MIPOL1: variants seen among roughly 807,000 people sequenced by gnomAD.
MIPOL1 encodes mirror-image polydactyly 1, also known as mirror-image polydactyly gene 1 protein.
A neutral mutation model predicts 60.9 loss-of-function variants in MIPOL1; 57 were observed. That is an observed-to-expected ratio of 0.94 (90% CI 0.76 to 1.17). The LOEUF (loss-of-function observed/expected upper bound fraction) is 1.17, where lower values mean the gene tolerates loss of function less well. Ranked by LOEUF, MIPOL1 falls within the 50% of genes most tolerant of loss-of-function variation. The pLI, the probability that MIPOL1 is intolerant of heterozygous loss-of-function variation, is 0.00. For missense variants in MIPOL1, 551 were observed against 511.6 expected (o/e 1.08, Z -0.74); for synonymous variants, 179 against 168.8 (o/e 1.06, Z -0.47).
At chr14:37,380,148 G>A (rs1243237851) in intron 10 of MIPOL1, among the ~76,000 whole-genome samples, 2 of 152,114 alleles carry the variant, frequency 1.3e-5, no homozygotes, top group Admixed American at 6.6e-5. Context: ...GCAATCTGAA[G>A]TTATGAAGCA....
intron 3 of MIPOL1, among the ~76,000 whole-genome samples, chr14:37,254,882 C>T (rs1001606473): frequency 2.0e-5 from 3 of 151,668 alleles, no homozygotes; most frequent in Admixed American, 1.3e-4. Context: ...GTATGATCCT[C>T]TTTGTAGAAC....
At chr14:37,538,625 C>T (rs1424283599) in intron 12 of MIPOL1, among the ~76,000 whole-genome samples, 3 of 152,130 alleles carry the variant, frequency 2.0e-5, no homozygotes, top group Non-Finnish European at 1.5e-5. Context: ...TTCAGCTGCT[C>T]GTGCTCCACC....
At chr14:37,274,953 A>G (rs964861911) in intron 6 of MIPOL1, among the ~76,000 whole-genome samples, 4 of 151,154 alleles carry the variant, frequency 2.6e-5, no homozygotes, top group South Asian at 2.1e-4. Flanking sequence ...TGGGATAGCT[A>G]TTTATATATG....
intron 12 of MIPOL1, among the ~76,000 whole-genome samples, chr14:37,531,617 A>G (rs2153636422): frequency 6.6e-6 from 1 of 152,328 alleles, no homozygotes; most frequent in African/African-American, 2.4e-5. Flanking sequence ...GAAGAGGCAG[A>G]TAACTGCGTG....
intron 1 of MIPOL1, among the ~76,000 whole-genome samples, chr14:37,212,854 T>G (rs1966924594): frequency 6.6e-6 from 1 of 152,134 alleles, no homozygotes. Context: ...CCCCCAGATT[T>G]ACGTGTCATA....
intron 6 of MIPOL1, among the ~76,000 whole-genome samples, chr14:37,271,207 T>C (rs2083279235): frequency 6.6e-6 from 1 of 152,082 alleles, no homozygotes; most frequent in Non-Finnish European, 1.5e-5. Context: ...TCCATCTGTG[T>C]ATGCCACTGT....
intron 11 of MIPOL1, among the ~76,000 whole-genome samples, chr14:37,439,661 G>A (rs762276972): frequency 5.1e-4 from 77 of 152,040 alleles, no homozygotes; most frequent in Middle Eastern, 6.8e-3. Context: ...TCAACCCCTG[G>A]TCAATCAAAT....
chr14:37,358,736 C>CT (rs1423272041), intron 9 of MIPOL1, among the ~76,000 whole-genome samples: 5 of 152,110 alleles, frequency 3.3e-5, no homozygotes. Flanking sequence ...GATGTCAGCC[C>CT]TTTGTCACAT....
intron 11 of MIPOL1, among the ~76,000 whole-genome samples, chr14:37,498,210 G>T (rs1157378399): frequency 2.6e-5 from 4 of 152,030 alleles, no homozygotes; most frequent in South Asian, 2.1e-4. Context: ...AAATGGGAGG[G>T]AACACTGGGG....
chr14:37,426,473 G>A (rs2093961029), intron 11 of MIPOL1, among the ~76,000 whole-genome samples: 1 of 150,190 alleles, frequency 6.7e-6, no homozygotes, highest in Admixed American at 6.7e-5. Context: ...GGAGGCTGAG[G>A]CAGGAGAATC....
intron 1 of MIPOL1, among the ~76,000 whole-genome samples, chr14:37,206,390 G>A (rs992985437): frequency 1.3e-5 from 2 of 152,138 alleles, no homozygotes; most frequent in Non-Finnish European, 2.9e-5. Context: ...GCAAATCTTC[G>A]CCTAGATTTA....
At chr14:37,294,509 C>A (rs903691101) in intron 7 of MIPOL1, among the ~76,000 whole-genome samples, 1 of 151,836 alleles carries the variant, frequency 6.6e-6, no homozygotes, top group Non-Finnish European at 1.5e-5. Flanking sequence ...CAAACTAGTC[C>A]GAGCTAAAGG....
chr14:37,493,834 T>C (rs1423573532), intron 11 of MIPOL1, among the ~76,000 whole-genome samples: 2 of 152,162 alleles, frequency 1.3e-5, no homozygotes, highest in East Asian at 3.8e-4. Context: ...TTTCTGAGAG[T>C]GATTCAGTGA....
intron 11 of MIPOL1, among the ~76,000 whole-genome samples, chr14:37,442,834 G>A (rs965771310): frequency 6.6e-6 from 1 of 151,902 alleles, no homozygotes; most frequent in Non-Finnish European, 1.5e-5. Flanking sequence ...AGAAATTAAA[G>A]AAGATCTAAA....
intron 10 of MIPOL1, among the ~76,000 whole-genome samples, chr14:37,415,203 A>G (rs942888610): frequency 7.9e-5 from 12 of 152,212 alleles, no homozygotes; most frequent in African/African-American, 2.9e-4. Context: ...CAAAAACTAT[A>G]TATGTGCCTC....
At chr14:37,371,527 A>G (rs927984880) in intron 10 of MIPOL1, among the ~76,000 whole-genome samples, 10 of 151,922 alleles carry the variant, frequency 6.6e-5, no homozygotes, top group Non-Finnish European at 1.5e-4. Flanking sequence ...TTAATCCTTC[A>G]TAACATTCAT....
chr14:37,394,937 T>G (rs1302296128), intron 10 of MIPOL1, among the ~76,000 whole-genome samples: 1 of 152,234 alleles, frequency 6.6e-6, no homozygotes, highest in Non-Finnish European at 1.5e-5. Flanking sequence ...TAGTTGATTT[T>G]TGTATAAAGT....
At chr14:37,287,962 A>T (rs190901839) in intron 7 of MIPOL1, among the ~76,000 whole-genome samples, 1 of 152,098 alleles carries the variant, frequency 6.6e-6, no homozygotes, top group Admixed American at 6.5e-5. Context: ...AATTGACAAG[A>T]TCATGTGACT....
At chr14:37,342,685 C>T (rs777019277) in intron 9 of MIPOL1, among the ~76,000 whole-genome samples, 21 of 152,086 alleles carry the variant, frequency 1.4e-4, no homozygotes, top group East Asian at 1.2e-3. Context: ...CGTGAGCCAC[C>T]GTGCCTGGCC....
Sources: gnomAD v4.1 joint callset for allele counts (sites outside exome capture counted in the v4.1 genomes callset) on GRCh38, gnomAD v4.1.1 for gene constraint, MANE v1.5 for transcripts, NCBI Gene and HGNC (gene_info 2026-07-23, HGNC 2026-07-21) for gene names.